The following THSD7B variants were observed in gnomAD, a reference collection of about 807,000 sequenced individuals.
The protein encoded by THSD7B is thrombospondin type-1 domain-containing protein 7B.
Under a neutral mutation model 213.6 loss-of-function variants are expected in THSD7B, and 138 were observed. The observed-to-expected ratio is 0.65, with a 90% CI of 0.56 to 0.74. The LOEUF is 0.74. Among genes scored for constraint, THSD7B ranks in the 30% least tolerant of loss-of-function variants. The pLI is 0.00. For synonymous variants in THSD7B, 742 were observed against 687.0 expected (o/e 1.08, Z -1.25); for missense variants, 1,931 against 1,991.5 (o/e 0.97, Z 0.58).
intron 12 of THSD7B, among the ~76,000 whole-genome samples, chr2:137,277,603 C>T (rs1459925546): frequency 6.6e-6 from 1 of 152,054 alleles, no homozygotes; most frequent in Non-Finnish European, 1.5e-5. Context: ...ACAAGGAATA[C>T]AGTAAACTTA....
At chr2:136,894,265 A>G (rs1683912624) in intron 2 of THSD7B, among the ~76,000 whole-genome samples, 1 of 152,188 alleles carries the variant, frequency 6.6e-6, no homozygotes, top group African/African-American at 2.4e-5. Context: ...TGCACTTTTA[A>G]TCTTTTTAGA....
intron 10 of THSD7B, among the ~76,000 whole-genome samples, chr2:137,249,824 T>C (rs2105072011): frequency 1.3e-5 from 2 of 152,360 alleles, no homozygotes; most frequent in East Asian, 3.8e-4. Flanking sequence ...ATAGTCTTTC[T>C]TGTCTATTAG....
intron 2 of THSD7B, among the ~76,000 whole-genome samples, chr2:137,053,944 G>C (rs917709107): frequency 2.0e-5 from 3 of 152,166 alleles, no homozygotes; most frequent in Non-Finnish European, 4.4e-5. Context: ...CTGAGTAACT[G>C]TGGGAATTTT....
At chr2:137,258,508 C>A (rs1216090751) in intron 10 of THSD7B, among the ~76,000 whole-genome samples, 1 of 151,932 alleles carries the variant, frequency 6.6e-6, no homozygotes, top group Non-Finnish European at 1.5e-5. Context: ...CATTAGATGA[C>A]CCCCTACCTC....
chr2:137,494,549 G>A (rs969686104), intron 15 of THSD7B, among the ~76,000 whole-genome samples: 5 of 152,062 alleles, frequency 3.3e-5, no homozygotes, highest in Non-Finnish European at 7.4e-5. Context: ...TGCTTTGTAA[G>A]GATCTATTCC....
chr2:137,197,907 A>T (rs1442040920), intron 7 of THSD7B, among the ~76,000 whole-genome samples: 2 of 152,166 alleles, frequency 1.3e-5, no homozygotes, highest in Admixed American at 6.6e-5. Flanking sequence ...TCCTATCTCC[A>T]TCAAATGACC....
Position 137,095,110 on chromosome 2 carries a change from G to T in THSD7B, c.1188G>T (p.Gln396His), listed in dbSNP as rs780994421. ...EACIVEGELL[Q>H]QCPRYSWRTS... ...GCATTGTTGAAGGAGAACTTCTGCA[G>T]CAATGTCCCAGGTATTACGCCTTTA... is the stretch of plus-strand genomic sequence containing the variant. The change falls in exon 4 of 28, where the codon CAG becomes CAT. Residue 396 changes from glutamine to histidine, a missense_variant. By Grantham distance (24) the Gln-to-His change is conservative (BLOSUM62 0). Coordinates refer to ENST00000409968, the MANE Select transcript of THSD7B (RefSeq NM_001316349.2). 1.9e-6 allele frequency: 3 copies of T among 1,613,838 alleles called. No homozygotes were observed. In the Admixed American group the frequency reaches 5.0e-5, roughly 27 times the overall value.
chr2:137,176,003 G>A (rs552443454), intron 7 of THSD7B, among the ~76,000 whole-genome samples: 26 of 152,158 alleles, frequency 1.7e-4, no homozygotes, highest in South Asian at 1.0e-3. Flanking sequence ...GTTGTATCTC[G>A]TGTTGTTAAC....
chr2:137,406,980 A>G (rs954405707), intron 13 of THSD7B, among the ~76,000 whole-genome samples: 2 of 152,220 alleles, frequency 1.3e-5, no homozygotes, highest in Admixed American at 1.3e-4. Flanking sequence ...CTGTACAAAC[A>G]TAACGCATCG....
intron 6 of THSD7B, among the ~76,000 whole-genome samples, chr2:137,166,760 A>G (rs1175245794): frequency 6.6e-6 from 1 of 152,244 alleles, no homozygotes. Context: ...TGTCTGCTAG[A>G]TAGGCTTTCC....
intron 2 of THSD7B, among the ~76,000 whole-genome samples, chr2:136,965,859 C>T (rs1043003278): frequency 6.6e-6 from 1 of 152,054 alleles, no homozygotes; most frequent in Non-Finnish European, 1.5e-5. Flanking sequence ...GTATTTCCCA[C>T]GTGGTAGGTG....
chr2:137,288,609 G>T (rs907604725), intron 12 of THSD7B, among the ~76,000 whole-genome samples: 2 of 151,978 alleles, frequency 1.3e-5, no homozygotes, highest in East Asian at 3.9e-4. Flanking sequence ...CTAACTTTAT[G>T]TACAGAGCAC....
At chr2:137,326,666 T>C (rs978048343) in intron 12 of THSD7B, among the ~76,000 whole-genome samples, 4 of 152,204 alleles carry the variant, frequency 2.6e-5, no homozygotes, top group Admixed American at 2.0e-4. Flanking sequence ...TTCCAAAGTA[T>C]TGATTTCATG....
At position 137,612,119 on chromosome 2, in the gene THSD7B, G is replaced by A. The variant is rs79583855; in HGVS notation, c.3424-4056G>A. The stretch of plus-strand genomic sequence containing the variant: ...CAATTCAAATTATATAACATGAAAT[G>A]CTAAATTGAAACATAAAAATTTGAA... On this transcript the variant is annotated intron_variant, in intron 17 of 27. Transcript: ENST00000409968. 6.4e-3 allele frequency among the ~76,000 whole-genome samples: 976 copies of A among 152,242 alleles called. 15 individuals carry two copies. The highest frequency in any genetic ancestry group is 0.022 in the African/African-American group (931 of 41,544).
intron 5 of THSD7B, among the ~76,000 whole-genome samples, chr2:137,137,031 A>G (rs1365700310): frequency 6.6e-6 from 1 of 152,092 alleles, no homozygotes; most frequent in East Asian, 1.9e-4. Context: ...TTTCTTTACA[A>G]TTTCAGGTAT....
At chr2:137,261,193 C>G (rs1006645631) in intron 10 of THSD7B, among the ~76,000 whole-genome samples, 1 of 151,934 alleles carries the variant, frequency 6.6e-6, no homozygotes, top group Non-Finnish European at 1.5e-5. Flanking sequence ...CAACAGGATG[C>G]GACAGAGTTC....
chr2:137,426,925 T>C (rs1173394419), intron 14 of THSD7B, among the ~76,000 whole-genome samples: 12 of 152,054 alleles, frequency 7.9e-5, no homozygotes, highest in Non-Finnish European at 1.5e-5. Flanking sequence ...CAAAATATAT[T>C]TAAAAACTAC....
At chr2:137,366,430 C>T (rs1305236756) in intron 12 of THSD7B, among the ~76,000 whole-genome samples, 1 of 151,778 alleles carries the variant, frequency 6.6e-6, no homozygotes, top group Non-Finnish European at 1.5e-5. Context: ...GTTTTCTCTC[C>T]TCTGAAATGG....
intron 2 of THSD7B, among the ~76,000 whole-genome samples, chr2:136,939,766 C>A (rs1238892644): frequency 1.3e-5 from 2 of 152,168 alleles, no homozygotes; most frequent in African/African-American, 4.8e-5. Flanking sequence ...ACAAATTATA[C>A]CCTTAACTCT....
Sources: allele counts gnomAD v4.1 joint callset (sites outside exome capture counted in the v4.1 genomes callset), GRCh38; gene constraint gnomAD v4.1.1; transcripts MANE v1.5; gene names NCBI Gene and HGNC (gene_info 2026-07-23, HGNC 2026-07-21).